CEP72: variants seen among roughly 807,000 people sequenced by gnomAD.
The protein encoded by CEP72 is centrosomal protein 72.
Under a neutral mutation model 65.7 loss-of-function variants are expected in CEP72, and 78 were observed. The ratio of observed to expected loss-of-function variants is 1.19; its 90% CI spans 0.99 to 1.43. CEP72 has a LOEUF of 1.43. Among genes scored for constraint, CEP72 ranks in the 40% most tolerant of loss-of-function variants. The probability of loss-of-function intolerance (pLI) is 0.00; values close to 1 mark genes in which losing one functional copy is unlikely to be tolerated. For synonymous variants in CEP72, 358 were observed against 351.7 expected, an observed-to-expected ratio of 1.02 and a Z score of -0.20; for missense variants, 914 against 832.9, an observed-to-expected ratio of 1.10 and a Z score of -1.20.
Position 626,526 on chromosome 5 carries a change from A to G in CEP72, c.512+1947A>G, listed in dbSNP as rs74737178. The stretch of plus-strand genomic sequence containing the variant: ...AGCCTGTTGCTGTGAAGGATTTTCA[A>G]ACATTGAACTGGGCCAGCCACAGTG... On this transcript the variant is annotated intron_variant, in intron 4 of 11. Coordinates refer to ENST00000264935, the MANE Select transcript of CEP72 (RefSeq NM_018140.4). 3.8e-3 allele frequency among the ~76,000 whole-genome samples: 575 copies of G among 152,308 alleles called. 2 individuals carry two copies. The highest frequency in any genetic ancestry group is 0.013 in the African/African-American group (545 of 41,564).
At chr5:637,202 G>A (rs565073120) in intron 6 of CEP72, among the ~76,000 whole-genome samples, 26 of 152,332 alleles carry the variant, frequency 1.7e-4, no homozygotes, top group Middle Eastern at 6.8e-3. Context: ...CTGCACGTCG[G>A]TCATCACGGG....
intron 4 of CEP72, among the ~76,000 whole-genome samples, chr5:625,014 C>G (rs116631853): frequency 0.016 from 2,506 of 152,262 alleles, 63 homozygotes; most frequent in African/African-American, 0.056. Context: ...CCTCCCCCAC[C>G]CTTTCTGTGA....
chr5:650,332 G>A (rs1738917977), intron 11 of CEP72, among the ~76,000 whole-genome samples: 1 of 131,020 alleles, frequency 7.6e-6, no homozygotes, highest in Non-Finnish European at 1.6e-5. Context: ...TGGACTGTGA[G>A]GTGTGACTGT....
intron 11 of CEP72, among the ~76,000 whole-genome samples, chr5:649,895 A>T (rs1580028891): frequency 9.7e-6 from 1 of 102,834 alleles, no homozygotes; most frequent in South Asian, 3.4e-4. Flanking sequence ...TGGGACTGTG[A>T]GGTGTGACTG....
At chr5:669,491 C>CCT (rs1561083225), downstream of CEP72, among the ~76,000 whole-genome samples, 1 of 152,092 alleles carries the variant, frequency 6.6e-6, no homozygotes, top group African/African-American at 2.4e-5. Flanking sequence ...GCCCTTGGGG[C>CCT]CTCTGTCTGT....
At chr5:628,642 AC>A (rs1736954491) in intron 4 of CEP72, among the ~76,000 whole-genome samples, 1 of 115,906 alleles carries the variant, frequency 8.6e-6, no homozygotes, top group East Asian at 2.4e-4. Context: ...TGGCCCCAGG[AC>A]CCAGCCCCCT....
rs532665849 is a variant in CEP72 at position 645,461 on chromosome 5, G to GA, written c.1666+1051dup. Among the ~76,000 whole-genome samples, 281 of 134,832 alleles carry GA rather than the reference G, an allele frequency of 2.1e-3. No homozygotes were observed. Among genetic ancestry groups the GA allele is most frequent in the Middle Eastern group, 3.7e-3 (1 of 270 alleles). The allele number at this position is 134,832 out of a possible 152,430, so 88.5% of individuals were successfully genotyped here. A position where few individuals can be genotyped will look rare whatever the true frequency, so the allele number is the denominator to read the frequency against. On this transcript the variant is annotated intron_variant, in intron 10 of 11. Transcript: ENST00000264935. This position sits in a 1 kb window ranked among gnomAD's most constrained non-coding sequence, Gnocchi z 4.0. ...CATCATTTCGTCGTAAAGGTGATGA[G>GA]AAAAAAAAAAAAAAACAGTTCCCTG...
chr5:644,238 T>C, intron 9 of CEP72, 61 bp from the exon 10 acceptor site: 1 of 1,579,168 alleles, frequency 6.3e-7, no homozygotes, highest in South Asian at 1.2e-5. Flanking sequence ...TCAGTTTTAC[T>C]TTCTATACGC....
At chr5:629,105 T>C (rs889558300) in intron 4 of CEP72, among the ~76,000 whole-genome samples, 2 of 152,282 alleles carry the variant, frequency 1.3e-5, no homozygotes, top group Admixed American at 1.3e-4. Flanking sequence ...TCCTGGTCAC[T>C]GCCCTTGGGT....
chr5:616,693 G>C (rs1200757491), intron 1 of CEP72, among the ~76,000 whole-genome samples: 1 of 152,166 alleles, frequency 6.6e-6, no homozygotes, highest in Non-Finnish European at 1.5e-5. Flanking sequence ...TACTGGCTGG[G>C]AGAGTGAAGG....
chr5:665,244 G>A (rs1204626526), exon 3 of CEP72: 11 of 1,613,602 alleles, frequency 6.8e-6, no homozygotes, highest in African/African-American at 2.7e-5. Flanking sequence ...GTGGGAGCCC[G>A]TGAACTTGGT....
chr5:634,846 G>A (rs920838289), intron 5 of CEP72, among the ~76,000 whole-genome samples: 7 of 152,178 alleles, frequency 4.6e-5, no homozygotes, highest in Admixed American at 3.3e-4. Flanking sequence ...AAGAGCACAA[G>A]TTTTAATTTC....
intron 4 of CEP72, among the ~76,000 whole-genome samples, chr5:666,481 C>T (rs188179104): frequency 6.6e-6 from 1 of 152,326 alleles, no homozygotes; most frequent in East Asian, 1.9e-4. Flanking sequence ...GTCCTAGGAC[C>T]TGCTGGGGCC....
rs1737949779 is a variant in CEP72 at position 640,624 on chromosome 5, G to A, written c.1539+20G>A. ...GAGCTGGTGAGCCCGCCCTGGCGCT[G>A]TGTCTGTGTCCATGTGACTGGGGGA... On this transcript the variant is annotated intron_variant, in intron 9 of 11. Coordinates refer to ENST00000264935, the MANE Select transcript of CEP72 (RefSeq NM_018140.4). 1.9e-6 allele frequency: 3 copies of A among 1,596,618 alleles called. No homozygotes were observed. The highest frequency in any genetic ancestry group is 4.5e-5 in the East Asian group (2 of 44,596).
chr5:622,267 T>C (rs1041852254), intron 3 of CEP72, among the ~76,000 whole-genome samples: 2 of 152,236 alleles, frequency 1.3e-5, no homozygotes, highest in Non-Finnish European at 2.9e-5. Context: ...CATTTTTCAG[T>C]AACTAACGAT....
Position 633,834 on chromosome 5 carries a change from A to T in CEP72, c.578A>T (p.Asp193Val). ...AAGCAGAGCCTGGTCATGGATGCGG[A>T]TGACGAGGCAGTCCTGAACCTCATT... ...LAKQSLVMDA[D>V]DEAVLNLIAE... The change falls in exon 5 of 12, where the codon GAT becomes GTT. Residue 193 changes from aspartate (D) to valine (V), a missense_variant. By Grantham distance (152) the Asp-to-Val change is radical. Coordinates refer to ENST00000264935, the MANE Select transcript of CEP72 (RefSeq NM_018140.4). The T allele has an allele frequency of 2.5e-6, 4 of 1,614,052 alleles. No homozygotes were observed. Among genetic ancestry groups the T allele is most frequent in the Non-Finnish European group, 3.4e-6 (4 of 1,180,048 alleles).
chr5:665,929 C>A, intron 3 of CEP72: 1 of 837,194 alleles, frequency 1.2e-6, no homozygotes, highest in Non-Finnish European at 1.6e-6. Flanking sequence ...GCCCCGCCCC[C>A]ACCCCCTCCA....
At chr5:629,038 GGGAC>G (rs1737028013) in intron 4 of CEP72, among the ~76,000 whole-genome samples, 1 of 152,244 alleles carries the variant, frequency 6.6e-6, no homozygotes, top group African/African-American at 2.4e-5. Flanking sequence ...CCCGGGGAGT[GGGAC>G]TGTCCTCGGG....
chr5:658,054 AAC>A (rs1272554162), downstream of CEP72, among the ~76,000 whole-genome samples: 1 of 152,222 alleles, frequency 6.6e-6, no homozygotes, highest in African/African-American at 2.4e-5. Flanking sequence ...TGGGGGGTAT[AAC>A]ACACATAATT....
Sources: gnomAD v4.1 joint callset for allele counts (sites outside exome capture counted in the v4.1 genomes callset) on GRCh38, gnomAD v4.1.1 for gene constraint, Gnocchi (gnomAD v3.1) non-coding constraint, MANE v1.5 for transcripts, NCBI Gene and HGNC (gene_info 2026-07-23, HGNC 2026-07-21) for gene names.